The following DYNC2H1 variants were observed in gnomAD, a reference collection of about 807,000 sequenced individuals.
The protein encoded by DYNC2H1 is dynein cytoplasmic 2 heavy chain 1.
DYNC2H1 carries 410 observed loss-of-function variants against 570.0 expected under a neutral mutation model. The observed-to-expected ratio is 0.72, with a 90% CI of 0.66 to 0.78. The LOEUF (loss-of-function observed/expected upper bound fraction) is 0.78, where lower values mean the gene tolerates loss of function less well. DYNC2H1 is among the 30% of genes least tolerant of loss of function. DYNC2H1 has a pLI of 0.00. For missense variants in DYNC2H1, 4,865 were observed against 5,046.4 expected, an observed-to-expected ratio of 0.96 and a Z score of 1.09; for synonymous variants, 1,688 against 1,677.6, an observed-to-expected ratio of 1.01 and a Z score of -0.15.
chr11:103,457,316 G>GT (rs1445656176), intron 87 of DYNC2H1, among the ~76,000 whole-genome samples: 5 of 152,078 alleles, frequency 3.3e-5, no homozygotes, highest in African/African-American at 4.8e-5. Flanking sequence ...AAAGTTAACT[G>GT]TAAGACAGCC....
At chr11:103,195,611 T>C (rs1414675257) in intron 47 of DYNC2H1, among the ~76,000 whole-genome samples, 1 of 152,230 alleles carries the variant, frequency 6.6e-6, no homozygotes. Flanking sequence ...AAAATTGTTT[T>C]AGCTATTTCT....
chr11:103,261,384 C>G lies in DYNC2H1; in HGVS notation c.10695+1407C>G, dbSNP rs1164878217. On this transcript the variant is annotated intron_variant, in intron 70 of 88. Coordinates refer to ENST00000375735, the MANE Select transcript of DYNC2H1 (RefSeq NM_001377.3). This position sits in a 1 kb window ranked among gnomAD's most constrained non-coding sequence, Gnocchi z 4.8. ...TGCCTTCTCAAGTGGGTCCCTGACC[C>G]CTGTGCCTCCTGACTGGGAGACACC... Among the ~76,000 whole-genome samples, 1 of 152,214 alleles carries G rather than the reference C, an allele frequency of 6.6e-6. No homozygotes were observed. The highest frequency in any genetic ancestry group is 1.9e-4 in the East Asian group (1 of 5,190).
intron 82 of DYNC2H1, among the ~76,000 whole-genome samples, chr11:103,333,389 G>A (rs1471747608): frequency 6.6e-6 from 1 of 152,000 alleles, no homozygotes; most frequent in Non-Finnish European, 1.5e-5. Context: ...TCAGCCTCCC[G>A]AGTAGCTGGG....
chr11:103,426,798 G>A (rs561127626), intron 84 of DYNC2H1, among the ~76,000 whole-genome samples: 6 of 152,272 alleles, frequency 3.9e-5, no homozygotes, highest in South Asian at 2.1e-4. Flanking sequence ...GCGTTAATGC[G>A]CAGAAATTAG....
At chr11:103,253,242 A>G (rs769917084) in intron 65 of DYNC2H1, 43 bp from the exon 66 acceptor site, 167 of 1,556,680 alleles carry the variant, frequency 1.1e-4, no homozygotes, top group Non-Finnish European at 1.4e-4. Flanking sequence ...ATAGTGAAAT[A>G]CAGAAGATTC....
At chr11:103,298,688 A>G (rs1356559402) in intron 75 of DYNC2H1, among the ~76,000 whole-genome samples, 2 of 152,162 alleles carry the variant, frequency 1.3e-5, no homozygotes, top group African/African-American at 4.8e-5. Flanking sequence ...AGTTTTAAAA[A>G]TTCAAATTAC....
chr11:103,340,282 C>T (rs7483490), intron 82 of DYNC2H1, among the ~76,000 whole-genome samples: 32,987 of 151,994 alleles, frequency 0.22, 3,720 homozygotes, highest in Admixed American at 0.31. Context: ...TAATTACAAA[C>T]ATGTATTTTT....
chr11:103,373,930 A>G (rs914947492), intron 83 of DYNC2H1, among the ~76,000 whole-genome samples: 2 of 152,176 alleles, frequency 1.3e-5, no homozygotes, highest in African/African-American at 4.8e-5. Context: ...CTTTAGCGTT[A>G]ATATAATGAG....
intron 83 of DYNC2H1, among the ~76,000 whole-genome samples, chr11:103,365,364 G>GAAA (rs562729975): frequency 2.0e-5 from 3 of 146,938 alleles, no homozygotes; most frequent in Non-Finnish European, 3.0e-5. Context: ...TCCGGCTCAG[G>GAAA]AAAAAAAAAA....
rs950577139 is a variant in DYNC2H1 at position 103,275,235 on chromosome 11, A to G, written c.10696-5113A>G. On this transcript the variant is annotated intron_variant, in intron 70 of 88. Coordinates refer to ENST00000375735, the MANE Select transcript of DYNC2H1 (RefSeq NM_001377.3). This position sits in a 1 kb window ranked among gnomAD's most constrained non-coding sequence, Gnocchi z 4.8. Reference sequence around the variant, plus strand: ...TTCATGGCAAAATTAAGCAGAAAGTATAGAGATTTCCCATACATTCCTTGC... The same window carrying G: ...TTCATGGCAAAATTAAGCAGAAAGTGTAGAGATTTCCCATACATTCCTTGC... Among the ~76,000 whole-genome samples, 13 of 152,332 alleles carry G rather than the reference A, an allele frequency of 8.5e-5. No homozygotes were observed. Among genetic ancestry groups the G allele is most frequent in the African/African-American group, 2.9e-4 (12 of 41,576 alleles).
chr11:103,469,439 A>T (rs1945298752), intron 88 of DYNC2H1, among the ~76,000 whole-genome samples: 1 of 152,206 alleles, frequency 6.6e-6, no homozygotes, highest in African/African-American at 2.4e-5. Context: ...GTATCTAATG[A>T]GCAACAAAAC....
intron 28 of DYNC2H1, among the ~76,000 whole-genome samples, chr11:103,160,583 T>C: frequency 6.6e-6 from 1 of 152,044 alleles, no homozygotes; most frequent in East Asian, 1.9e-4. Flanking sequence ...TAGTAGTTGA[T>C]TAGGTTGCCT....
At chr11:103,307,071 A>C (rs1202039126) in intron 77 of DYNC2H1, among the ~76,000 whole-genome samples, 1 of 152,312 alleles carries the variant, frequency 6.6e-6, no homozygotes. Flanking sequence ...CAGATAAGTA[A>C]TAATTTGTCA....
chr11:103,131,039 A>G (rs995965284), intron 13 of DYNC2H1, among the ~76,000 whole-genome samples: 5 of 152,156 alleles, frequency 3.3e-5, no homozygotes, highest in Non-Finnish European at 7.4e-5. Context: ...TTCATCAGCT[A>G]TTTATTGAGC....
At chr11:103,452,457 T>C (rs1328732845) in intron 85 of DYNC2H1, among the ~76,000 whole-genome samples, 1 of 152,054 alleles carries the variant, frequency 6.6e-6, no homozygotes, top group East Asian at 1.9e-4. Flanking sequence ...TTAACTGATT[T>C]CATTGCTTAT....
chr11:103,239,924 CT>C lies in DYNC2H1; in HGVS notation c.9819+3386del, dbSNP rs1864363699. On this transcript the variant is annotated intron_variant, in intron 63 of 88. Coordinates refer to ENST00000375735, the MANE Select transcript of DYNC2H1 (RefSeq NM_001377.3). This position sits in a 1 kb window ranked among gnomAD's most constrained non-coding sequence, Gnocchi z 4.3. ...AGATTATGTATCTTTAGTTTTTAAC[CT>C]GTTTTTTGAACTCTTGACCTACAGT... Among the ~76,000 whole-genome samples, 2 of 151,990 alleles carry C rather than the reference CT, an allele frequency of 1.3e-5. No individual in the cohort carries two copies. The highest frequency in any genetic ancestry group is 1.3e-4 in the Admixed American group (2 of 15,222).
At chr11:103,238,603 A>C (rs372466336) in intron 63 of DYNC2H1, among the ~76,000 whole-genome samples, 2 of 136,248 alleles carry the variant, frequency 1.5e-5, no homozygotes, top group Admixed American at 7.5e-5. Context: ...ACACACACAC[A>C]CCCCAATGCT....
At chr11:103,126,132 T>C (rs1858985250) in intron 12 of DYNC2H1, among the ~76,000 whole-genome samples, 1 of 152,260 alleles carries the variant, frequency 6.6e-6, no homozygotes, top group Admixed American at 6.5e-5. Flanking sequence ...ATTTATTCTT[T>C]TATTCAACAA....
At chr11:103,383,706 C>T (rs1250309800) in intron 83 of DYNC2H1, among the ~76,000 whole-genome samples, 1 of 151,980 alleles carries the variant, frequency 6.6e-6, no homozygotes, top group African/African-American at 2.4e-5. Context: ...CATCTCCTGA[C>T]CTCATGATCT....
Sources: allele counts gnomAD v4.1 joint callset (sites outside exome capture counted in the v4.1 genomes callset), GRCh38; gene constraint gnomAD v4.1.1; non-coding constraint Gnocchi (gnomAD v3.1); transcripts MANE v1.5; gene names NCBI Gene and HGNC (gene_info 2026-07-23, HGNC 2026-07-21).